PSMD12: variants seen among roughly 807,000 people sequenced by gnomAD.
PSMD12 encodes proteasome 26S subunit, non-ATPase 12.
In PSMD12, 8 loss-of-function variants were observed where a neutral mutation model predicts 62.9. The ratio of observed to expected loss-of-function variants is 0.13; its 90% CI spans 0.07 to 0.23. The LOEUF (loss-of-function observed/expected upper bound fraction) is 0.23, where lower values mean the gene tolerates loss of function less well. PSMD12 is among the 10% of genes least tolerant of loss of function. PSMD12 has a pLI of 1.00. For missense variants in PSMD12, 424 were observed against 550.2 expected (o/e 0.77, Z 2.29); for synonymous variants, 173 against 187.4 (o/e 0.92, Z 0.63).
At chr17:67,355,992 ACACAC>A (rs2042066426) in intron 3 of PSMD12, among the ~76,000 whole-genome samples, 1 of 150,838 alleles carries the variant, frequency 6.6e-6, no homozygotes, top group Non-Finnish European at 1.5e-5. Context: ...ACACACACAC[ACACAC>A]ACACACACAC....
At chr17:67,354,540 G>A (rs983600763) in intron 3 of PSMD12, among the ~76,000 whole-genome samples, 1 of 152,216 alleles carries the variant, frequency 6.6e-6, no homozygotes, top group Non-Finnish European at 1.5e-5. Context: ...ATAAATTTTT[G>A]TTGATTTCAA....
In PSMD12 at chr17:67,339,621, T is replaced by A. The variant is rs139300314; in HGVS notation, c.*1222A>T. The A allele has an allele frequency of 6.6e-6, 1 of 152,350 alleles. No individual in the cohort carries two copies. The highest frequency in any genetic ancestry group is 1.9e-4 in the East Asian group (1 of 5,190). The allele number at this position is 152,350 out of a possible 1,614,324, so 9.4% of individuals were successfully genotyped here. On this transcript the variant is annotated 3_prime_UTR_variant, in exon 11 of 11. Transcript: ENST00000356126. ...ATCTTCCATTAAGTGGAAAATTAAT[T>A]AGGAGAAATGCCATTTCTAGAATGC...
chr17:67,361,005 GTCTAT>G (rs2042123303), intron 1 of PSMD12: 2 of 151,752 alleles, frequency 1.3e-5, no homozygotes, highest in Admixed American at 1.3e-4. Flanking sequence ...TCTTTTTCCT[GTCTAT>G]TCACTCAGGT....
intron 9 of PSMD12, among the ~76,000 whole-genome samples, chr17:67,343,876 G>C (rs1024604969): frequency 6.6e-6 from 1 of 152,012 alleles, no homozygotes; most frequent in Non-Finnish European, 1.5e-5. Flanking sequence ...GCTAATTTTT[G>C]TATTTTTAGT....
chr17:67,356,235 T>C (rs373638735), intron 3 of PSMD12, among the ~76,000 whole-genome samples: 3 of 152,068 alleles, frequency 2.0e-5, no homozygotes, highest in South Asian at 2.1e-4. Context: ...TCAACATGCA[T>C]AGTTTTTGAA....
chr17:67,353,156 T>C (rs994912027), intron 3 of PSMD12, among the ~76,000 whole-genome samples: 2 of 152,152 alleles, frequency 1.3e-5, no homozygotes, highest in Admixed American at 6.6e-5. Context: ...TAAGTGAACG[T>C]CTTGCTCCTC....
At position 67,357,390 on chromosome 17, in the gene PSMD12, T is replaced by C; in HGVS notation, c.210A>G (p.Val70=). 6.2e-7 allele frequency: 1 copy of C among 1,613,608 alleles called. No homozygotes were observed. The highest frequency in any genetic ancestry group is 8.5e-7 in the Non-Finnish European group (1 of 1,179,540). ...MVSTSRILVA[V]VKMCYEAKEW... ...CTTTAGCCTCATAGCACATCTTCAC[T>C]ACTGCAACTAAGATACGGGATGTCG... Residue 70 remains valine (V), a synonymous_variant, in exon 3 of 11, where the codon GTA becomes GTG. Transcript: ENST00000356126.
chr17:67,346,979 T>C (rs2041972983), intron 7 of PSMD12, 137 bp downstream of exon 7: 1 of 892,174 alleles, frequency 1.1e-6, no homozygotes, highest in Non-Finnish European at 1.6e-6. Context: ...GAATCAGTAA[T>C]ATACTGAACA....
chr17:67,342,316 A>G (rs1316922149), intron 9 of PSMD12, 53 bp from the exon 10 acceptor site: 11 of 1,198,166 alleles, frequency 9.2e-6, no homozygotes, highest in African/African-American at 7.7e-5. Context: ...CAGTAAGTCT[A>G]AAAGTCCATT....
chr17:67,344,090 C>T (rs1327148496), intron 9 of PSMD12, among the ~76,000 whole-genome samples: 1 of 152,136 alleles, frequency 6.6e-6, no homozygotes, highest in Non-Finnish European at 1.5e-5. Context: ...AAGTTTGTTA[C>T]ATGAAGGAGT....
At chr17:67,354,490 T>C (rs1269871969) in intron 3 of PSMD12, among the ~76,000 whole-genome samples, 2 of 152,152 alleles carry the variant, frequency 1.3e-5, no homozygotes, top group Non-Finnish European at 2.9e-5. Context: ...AATTAAAGTT[T>C]AAGATGTGTG....
In PSMD12 at chr17:67,364,470, A is replaced by C. The variant is rs1475755847; in HGVS notation, c.108+1942T>G. Reference sequence around the variant, plus strand: ...CTGATCTATAAGCTGTTCGAGGGCAAGAGCTTTGTCTAGTAATCTCTGTAT... The same window carrying C: ...CTGATCTATAAGCTGTTCGAGGGCACGAGCTTTGTCTAGTAATCTCTGTAT... On this transcript the variant is annotated intron_variant, in intron 1 of 10. Transcript: ENST00000356126. Among the ~76,000 whole-genome samples, 30 of 152,250 alleles carry C rather than the reference A, an allele frequency of 2.0e-4. 1 individual carries two copies. The highest frequency in any genetic ancestry group is 2.0e-3 in the Admixed American group (30 of 15,282).
chr17:67,346,121 G>A (rs1030882826), intron 7 of PSMD12, among the ~76,000 whole-genome samples: 1 of 151,690 alleles, frequency 6.6e-6, no homozygotes, highest in African/African-American at 2.4e-5. Context: ...GGCCGGGCAC[G>A]GTGGTTCACG....
intron 3 of PSMD12, among the ~76,000 whole-genome samples, chr17:67,354,004 T>C (rs2042043411): frequency 7.0e-6 from 1 of 141,912 alleles, no homozygotes; most frequent in Admixed American, 7.0e-5. Context: ...TGATTACTTG[T>C]GACTTACATA....
At chr17:67,344,524 C>T in intron 9 of PSMD12, 82 bp downstream of exon 9, 1 of 1,312,612 alleles carries the variant, frequency 7.6e-7, no homozygotes, top group Admixed American at 2.6e-5. Flanking sequence ...AGTTTATGCT[C>T]AAAATTGCCA....
intron 9 of PSMD12, among the ~76,000 whole-genome samples, chr17:67,343,502 C>T (rs560715004): frequency 6.6e-6 from 1 of 152,204 alleles, no homozygotes; most frequent in East Asian, 1.9e-4. Flanking sequence ...CCTGTCTGCC[C>T]GATAACCTCA....
At position 67,339,178 on chromosome 17, in the gene PSMD12, G is replaced by C. The variant is rs2041886870; in HGVS notation, c.*1665C>G. The C allele has an allele frequency of 6.6e-6, 1 of 151,664 alleles. No individual in the cohort carries two copies. The highest frequency in any genetic ancestry group is 1.5e-5 in the Non-Finnish European group (1 of 67,936). 9.4% of individuals were successfully genotyped at this position (151,664 alleles called of 1,614,324 possible). A position where few individuals can be genotyped will look rare whatever the true frequency, so the allele number is the denominator to read the frequency against. ...GCTGGAGTGCAATGGTGTGATCTTG[G>C]CTCACTGCAACCTCCGCCTCCTGGC... On this transcript the variant is annotated 3_prime_UTR_variant, in exon 11 of 11. Coordinates refer to ENST00000356126, the MANE Select transcript of PSMD12 (RefSeq NM_002816.5).
intron 4 of PSMD12, 34 bp downstream of exon 4, chr17:67,350,195 A>G (rs762351100): frequency 1.4e-5 from 20 of 1,410,722 alleles, no homozygotes; most frequent in Admixed American, 1.9e-5. Context: ...AAAACAGTTC[A>G]TATCATTTTG....
At chr17:67,359,159 AGCAT>A (rs1418714434) in intron 1 of PSMD12, among the ~76,000 whole-genome samples, 1 of 152,124 alleles carries the variant, frequency 6.6e-6, no homozygotes, top group Non-Finnish European at 1.5e-5. Context: ...ATTCGAGACC[AGCAT>A]GGAAAATAGG....
Sources: gnomAD v4.1 joint callset for allele counts (sites outside exome capture counted in the v4.1 genomes callset) on GRCh38, gnomAD v4.1.1 for gene constraint, MANE v1.5 for transcripts, NCBI Gene and HGNC (gene_info 2026-07-23, HGNC 2026-07-21) for gene names.